The following LRPPRC variants were observed in gnomAD, a reference collection of about 807,000 sequenced individuals.
The protein encoded by LRPPRC is leucine rich pentatricopeptide repeat containing, also known as leucine-rich PPR motif-containing protein, mitochondrial.
A neutral mutation model predicts 180.3 loss-of-function variants in LRPPRC; 120 were observed. The observed-to-expected ratio is 0.67, with a 90% CI of 0.57 to 0.77. The LOEUF is 0.77. Ranked by LOEUF, LRPPRC falls within the 30% of genes least tolerant of loss-of-function variation. The pLI is 0.00. For synonymous variants in LRPPRC, 723 were observed against 600.0 expected (o/e 1.21, Z -3.00); for missense variants, 2,012 against 1,657.2 (o/e 1.21, Z -3.72).
chr2:43,934,940 A>G, intron 23 of LRPPRC, 62 bp from the exon 24 acceptor site: 5 of 1,406,920 alleles, frequency 3.6e-6, no homozygotes, highest in Non-Finnish European at 5.0e-6. Flanking sequence ...TCTCTTAGTA[A>G]TACTTTAGAG....
At chr2:43,934,646 T>G in intron 24 of LRPPRC, 108 bp downstream of exon 24, 1 of 905,994 alleles carries the variant, frequency 1.1e-6, no homozygotes, top group Non-Finnish European at 1.7e-6. Flanking sequence ...ATAAAGAAAG[T>G]TTATCTGAAT....
intron 12 of LRPPRC, among the ~76,000 whole-genome samples, chr2:43,961,033 T>C (rs1673326229): frequency 6.6e-6 from 1 of 152,212 alleles, no homozygotes; most frequent in East Asian, 1.9e-4. Context: ...ATCATTTGTT[T>C]AACAATTTAA....
chr2:43,976,811 C>G (rs1674076841), intron 5 of LRPPRC, among the ~76,000 whole-genome samples, 183 bp downstream of exon 5: 2 of 151,122 alleles, frequency 1.3e-5, no homozygotes, highest in African/African-American at 4.8e-5. Flanking sequence ...TTTTACTTAT[C>G]TTTTCTCTCT....
At chr2:43,917,123 C>G (rs1298396129) in intron 29 of LRPPRC, among the ~76,000 whole-genome samples, 1 of 150,294 alleles carries the variant, frequency 6.7e-6, no homozygotes, top group Non-Finnish European at 1.5e-5. Flanking sequence ...TCACTACAAC[C>G]TCCATCTCCC....
Position 43,899,204 on chromosome 2 carries a change from G to GT in LRPPRC, c.3825+14dup. 6.3e-7 allele frequency: 1 copy of GT among 1,575,906 alleles called. No individual in the cohort carries two copies. Among genetic ancestry groups the GT allele is most frequent in the South Asian group, 1.1e-5 (1 of 90,312 alleles). ...AGCCTCGAGCCCCACTGCTCCATGAGTGGAGGGTCATTACCTGTAGGAGAG... is the reference window on the plus strand; with the variant it reads ...AGCCTCGAGCCCCACTGCTCCATGAGTTGGAGGGTCATTACCTGTAGGAGAG... On this transcript the variant is annotated intron_variant, in intron 34 of 37. Transcript: ENST00000260665.
intron 11 of LRPPRC, among the ~76,000 whole-genome samples, chr2:43,972,204 G>A (rs1182695077): frequency 6.6e-6 from 1 of 152,196 alleles, no homozygotes; most frequent in African/African-American, 2.4e-5. Context: ...GTCACTGAAT[G>A]TCTGTGTGGC....
Position 43,905,759 on chromosome 2 carries a change from G to A in LRPPRC, c.3297C>T (p.Gly1099=), listed in dbSNP as rs1306810228. 5 of 1,612,838 alleles carry A rather than the reference G, an allele frequency of 3.1e-6. No homozygotes were observed. The highest frequency in any genetic ancestry group is 1.7e-6 in the Non-Finnish European group (2 of 1,178,862). Residue 1099 remains glycine, a synonymous_variant, in exon 31 of 38, where the codon GGC becomes GGT. Coordinates refer to ENST00000260665, the MANE Select transcript of LRPPRC (RefSeq NM_133259.4). The stretch of plus-strand genomic sequence containing the variant: ...TGTTGGCAGCATCGTTCAGTGTGAA[G>A]CCCTTGATGTGGGTCTCCGCGCTAA... ...VKAFAETHIK[G]FTLNDAANSR... is the part of the protein sequence containing the mutation.
chr2:43,995,116 C>G (rs545006998), intron 1 of LRPPRC, among the ~76,000 whole-genome samples: 2 of 152,252 alleles, frequency 1.3e-5, no homozygotes, highest in African/African-American at 2.4e-5. Flanking sequence ...TGGCGCACAC[C>G]TGTAATCCCA....
chr2:43,924,681 A>G (rs1241694032), intron 27 of LRPPRC, among the ~76,000 whole-genome samples: 1 of 152,186 alleles, frequency 6.6e-6, no homozygotes, highest in African/African-American at 2.4e-5. Context: ...TCTTTTTGCA[A>G]AAAGAAAAAA....
rs777838380 is a variant in LRPPRC at position 43,982,348 on chromosome 2, A to G, written c.236T>C (p.Ile79Thr). 5.0e-6 allele frequency: 8 copies of G among 1,613,786 alleles called. No individual in the cohort carries two copies. Among genetic ancestry groups the G allele is most frequent in the Non-Finnish European group, 6.8e-6 (8 of 1,179,688 alleles). ...QEESTFSSRK[I>T]SNQFDWALMR... ...TAGAGCCCAATCAAACTGATTGGAAATCTTCCTAGAAGAAAAAGTGGACTC... is the reference window on the plus strand; with the variant it reads ...TAGAGCCCAATCAAACTGATTGGAAGTCTTCCTAGAAGAAAAAGTGGACTC... Residue 79 changes from isoleucine (I) to threonine (T), a missense_variant, in exon 2 of 38, where the codon ATT (isoleucine) becomes ACT (threonine). Coordinates refer to ENST00000260665, the MANE Select transcript of LRPPRC (RefSeq NM_133259.4).
intron 27 of LRPPRC, among the ~76,000 whole-genome samples, chr2:43,921,333 T>C (rs1356315467): frequency 6.6e-6 from 1 of 152,128 alleles, no homozygotes; most frequent in Non-Finnish European, 1.5e-5. Flanking sequence ...TAAGAACCCA[T>C]AAATTCATTT....
At chr2:43,949,571 TAA>T (rs1672817891) in intron 16 of LRPPRC, 29 bp downstream of exon 16, 1 of 1,576,888 alleles carries the variant, frequency 6.3e-7, no homozygotes, top group Admixed American at 1.7e-5. Context: ...GATTTGTGGA[TAA>T]GTTACAATCA....
intron 23 of LRPPRC, among the ~76,000 whole-genome samples, chr2:43,940,167 T>A (rs1369158895): frequency 6.6e-6 from 1 of 152,166 alleles, no homozygotes; most frequent in African/African-American, 2.4e-5. Context: ...TTTTTGTCCT[T>A]TGGCACTGAT....
chr2:43,959,686 C>T (rs1162803393), intron 13 of LRPPRC, among the ~76,000 whole-genome samples: 4 of 152,138 alleles, frequency 2.6e-5, no homozygotes, highest in African/African-American at 9.7e-5. Flanking sequence ...AGGCGGATCA[C>T]TTGTGGTCAG....
At chr2:43,924,952 T>C in intron 27 of LRPPRC, 115 bp downstream of exon 27, 1 of 745,292 alleles carries the variant, frequency 1.3e-6, no homozygotes. Context: ...GAGCCTCTGT[T>C]GAATGAAAAC....
intron 11 of LRPPRC, among the ~76,000 whole-genome samples, chr2:43,969,194 C>T (rs1402502285): frequency 6.6e-6 from 1 of 152,122 alleles, no homozygotes; most frequent in African/African-American, 2.4e-5. Flanking sequence ...GGGTGGATCA[C>T]AAGGTCAGGA....
chr2:43,907,409 T>C (rs1057343658), intron 30 of LRPPRC, among the ~76,000 whole-genome samples: 1 of 152,134 alleles, frequency 6.6e-6, no homozygotes, highest in African/African-American at 2.4e-5. Flanking sequence ...ATTTATACAA[T>C]ATAATAAAAG....
chr2:43,932,291 T>TA (rs1553399900), intron 25 of LRPPRC, among the ~76,000 whole-genome samples: 1 of 152,136 alleles, frequency 6.6e-6, no homozygotes, highest in Non-Finnish European at 1.5e-5. Flanking sequence ...AATGAGCTTA[T>TA]GACTGGTTTA....
At chr2:43,985,775 T>A (rs1674503162) in intron 1 of LRPPRC, among the ~76,000 whole-genome samples, 1 of 152,258 alleles carries the variant, frequency 6.6e-6, no homozygotes, top group African/African-American at 2.4e-5. Context: ...CAATTATGAA[T>A]AAAGCTGCTA....
Sources: gnomAD v4.1 joint callset for allele counts (sites outside exome capture counted in the v4.1 genomes callset) on GRCh38, gnomAD v4.1.1 for gene constraint, MANE v1.5 for transcripts, NCBI Gene and HGNC (gene_info 2026-07-23, HGNC 2026-07-21) for gene names.